Variants in PLCH1 observed in about 807,000 individuals in gnomAD.
PLCH1 encodes phospholipase C eta 1.
PLCH1 carries 60 observed loss-of-function variants against 126.7 expected under a neutral mutation model. The ratio of observed to expected loss-of-function variants is 0.47; its 90% CI spans 0.38 to 0.59. The LOEUF (loss-of-function observed/expected upper bound fraction) is 0.59, where lower values mean the gene tolerates loss of function less well. Among genes scored for constraint, PLCH1 ranks in the 20% least tolerant of loss-of-function variants. PLCH1 has a pLI of 0.00. For synonymous variants in PLCH1, 719 were observed against 734.9 expected (o/e 0.98, Z 0.35); for missense variants, 1,723 against 2,040.0 (o/e 0.84, Z 2.99).
At chr3:155,672,820 A>G (rs1387875217) in intron 2 of PLCH1, among the ~76,000 whole-genome samples, 1 of 152,194 alleles carries the variant, frequency 6.6e-6, no homozygotes, top group African/African-American at 2.4e-5. Context: ...TCAGGGGCAA[A>G]GGACACCAAT....
At position 155,533,963 on chromosome 3, in the gene PLCH1, TG is replaced by T. The variant is rs200862590; in HGVS notation, c.1363-9960del. Among the ~76,000 whole-genome samples the T allele has an allele frequency of 9.4e-3, 1,426 of 152,296 alleles. 18 individuals are homozygous for T. Among genetic ancestry groups the T allele is most frequent in the African/African-American group, 0.033 (1,362 of 41,548 alleles). ...CTCTGCCTAGATTTCAAAGGATGTA[TG>T]GAAACACCTGGATGCCTAGGCAGAA... is the stretch of plus-strand genomic sequence containing the variant. On this transcript the variant is annotated intron_variant, in intron 10 of 22. Coordinates refer to ENST00000460012, the MANE Select transcript of PLCH1 (RefSeq NM_014996.4).
At chr3:155,677,959 G>A (rs1357189076) in intron 2 of PLCH1, among the ~76,000 whole-genome samples, 4 of 152,076 alleles carry the variant, frequency 2.6e-5, no homozygotes, top group South Asian at 4.1e-4. Context: ...CGAATATCTC[G>A]TTCCTTTGTC....
intron 2 of PLCH1, among the ~76,000 whole-genome samples, chr3:155,609,553 A>G (rs1184455865): frequency 6.6e-6 from 1 of 152,210 alleles, no homozygotes; most frequent in Non-Finnish European, 1.5e-5. Context: ...AAATCTGTGA[A>G]TTGCCAGAAA....
intron 11 of PLCH1, among the ~76,000 whole-genome samples, chr3:155,519,083 T>C (rs1023554297): frequency 1.3e-5 from 2 of 152,254 alleles, no homozygotes; most frequent in Non-Finnish European, 2.9e-5. Context: ...AATTGGCAGC[T>C]GTGAAGAACA....
At chr3:155,561,799 T>A (rs960745737) in intron 8 of PLCH1, among the ~76,000 whole-genome samples, 7 of 152,154 alleles carry the variant, frequency 4.6e-5, no homozygotes, top group Non-Finnish European at 8.8e-5. Context: ...GTACTTTTTT[T>A]TTGATGGAAT....
At chr3:155,513,207 C>G (rs1279003898) in intron 12 of PLCH1, among the ~76,000 whole-genome samples, 1 of 152,208 alleles carries the variant, frequency 6.6e-6, no homozygotes, top group African/African-American at 2.4e-5. Context: ...TCAACAGTAA[C>G]TTGCCTTTGC....
chr3:155,575,009 C>A (rs768317623), intron 6 of PLCH1, among the ~76,000 whole-genome samples: 4 of 151,696 alleles, frequency 2.6e-5, no homozygotes, highest in African/African-American at 4.8e-5. Flanking sequence ...CGGGCACCTA[C>A]AATCCCAGCT....
chr3:155,495,410 A>C (rs1716896307), intron 15 of PLCH1, among the ~76,000 whole-genome samples: 1 of 152,150 alleles, frequency 6.6e-6, no homozygotes, highest in Non-Finnish European at 1.5e-5. Context: ...CTCCTTCACC[A>C]AGAACCCATA....
intron 2 of PLCH1, among the ~76,000 whole-genome samples, chr3:155,634,829 A>C (rs1026077546): frequency 6.6e-6 from 1 of 152,206 alleles, no homozygotes; most frequent in African/African-American, 2.4e-5. Context: ...TATTTCTTTA[A>C]ATGACAGAGT....
intron 14 of PLCH1, 116 bp from the exon 15 acceptor site, chr3:155,497,533 G>C (rs905575266): frequency 7.0e-6 from 5 of 718,198 alleles, no homozygotes; most frequent in Admixed American, 2.3e-5. Flanking sequence ...CCTGCCCCAG[G>C]TCCTAAGGGA....
chr3:155,629,678 T>C (rs1250573661), intron 2 of PLCH1, among the ~76,000 whole-genome samples: 8 of 152,150 alleles, frequency 5.3e-5, no homozygotes, highest in Non-Finnish European at 8.8e-5. Context: ...ACAGCCAATA[T>C]GGTATTTTTA....
chr3:155,623,173 T>C (rs1736741684), intron 2 of PLCH1, among the ~76,000 whole-genome samples: 1 of 149,496 alleles, frequency 6.7e-6, no homozygotes, highest in Admixed American at 6.7e-5. Context: ...AATAACAAAA[T>C]TAAGGGAAAA....
chr3:155,641,127 T>G (rs1384824258), intron 2 of PLCH1, among the ~76,000 whole-genome samples: 1 of 151,954 alleles, frequency 6.6e-6, no homozygotes, highest in African/African-American at 2.4e-5. Context: ...TTTAGCTTTC[T>G]ACAATTACTT....
At chr3:155,708,859 C>G (rs1258387300) in intron 1 of PLCH1, among the ~76,000 whole-genome samples, 1 of 152,132 alleles carries the variant, frequency 6.6e-6, no homozygotes, top group Non-Finnish European at 1.5e-5. Context: ...GATTTACGCT[C>G]TTTATTAAAC....
At chr3:155,571,477 T>C (rs1433052329) in intron 6 of PLCH1, among the ~76,000 whole-genome samples, 1 of 152,214 alleles carries the variant, frequency 6.6e-6, no homozygotes, top group African/African-American at 2.4e-5. Context: ...GGGACCTCAC[T>C]GCAACCTCTG....
chr3:155,692,463 G>A (rs1041251120), intron 2 of PLCH1, among the ~76,000 whole-genome samples: 1 of 131,234 alleles, frequency 7.6e-6, no homozygotes, highest in Non-Finnish European at 1.5e-5. Context: ...TGAATGAATG[G>A]ATGGATGGAT....
intron 2 of PLCH1, among the ~76,000 whole-genome samples, chr3:155,606,046 G>T (rs1408976664): frequency 6.6e-6 from 1 of 151,986 alleles, no homozygotes; most frequent in East Asian, 1.9e-4. Context: ...AGATTTTAAA[G>T]AATTTTTTTT....
intron 21 of PLCH1, among the ~76,000 whole-genome samples, chr3:155,451,626 T>C (rs1712309753): frequency 6.6e-6 from 1 of 152,164 alleles, no homozygotes; most frequent in Admixed American, 6.6e-5. Context: ...CCTCTTTCCA[T>C]TTTTTGGAGG....
At chr3:155,505,812 G>C (rs1021266376) in intron 12 of PLCH1, among the ~76,000 whole-genome samples, 3 of 151,972 alleles carry the variant, frequency 2.0e-5, no homozygotes, top group African/African-American at 7.3e-5. Context: ...CATAGACATA[G>C]CACTGCTCTC....
Sources: allele counts gnomAD v4.1 joint callset (sites outside exome capture counted in the v4.1 genomes callset), GRCh38; gene constraint gnomAD v4.1.1; transcripts MANE v1.5; gene names NCBI Gene and HGNC (gene_info 2026-07-23, HGNC 2026-07-21).